Variants in GRIN2A observed in about 807,000 individuals in gnomAD.
The protein encoded by GRIN2A is glutamate receptor ionotropic, NMDA 2A.
In GRIN2A, 22 loss-of-function variants were observed where a neutral mutation model predicts 113.4. That is an observed-to-expected ratio of 0.19 (90% CI 0.14 to 0.28). The LOEUF (loss-of-function observed/expected upper bound fraction) is 0.28. Among genes scored for constraint, GRIN2A ranks in the 10% least tolerant of loss-of-function variants. The pLI is 1.00. For missense variants in GRIN2A, 1,502 were observed against 1,887.0 expected (o/e 0.80, Z 3.78); for synonymous variants, 827 against 738.4 (o/e 1.12, Z -1.94).
intron 2 of GRIN2A, among the ~76,000 whole-genome samples, chr16:10,052,487 G>A (rs1567264205): frequency 6.6e-6 from 1 of 152,176 alleles, no homozygotes; most frequent in Non-Finnish European, 1.5e-5. Context: ...CCTAGGCCCT[G>A]TCCTTAAGGA....
At chr16:10,136,897 G>A in intron 2 of GRIN2A, among the ~76,000 whole-genome samples, 1 of 152,222 alleles carries the variant, frequency 6.6e-6, no homozygotes, top group East Asian at 1.9e-4. Flanking sequence ...TAAGAGGAAA[G>A]AGAAGTGAGA....
rs140937354 is a variant in GRIN2A at position 9,873,442 on chromosome 16, T to C, written c.1122+17544A>G. Among the ~76,000 whole-genome samples the C allele has an allele frequency of 3.0e-3, 461 of 152,228 alleles. 2 individuals carry two copies. The highest frequency in any genetic ancestry group is 0.01 in the African/African-American group (428 of 41,538). ...GAGACTGGGTGCAGTGGCTCATGCC[T>C]GTAATCCCAGCACTTTGGGAGGCTG... On this transcript the variant is annotated intron_variant, in intron 4 of 12. Transcript: ENST00000330684.
rs917818336 is a variant in GRIN2A, at chr16:9,947,851, C to T, written c.415-9300G>A. 1.7e-4 allele frequency among the ~76,000 whole-genome samples: 26 copies of T among 152,026 alleles called. No individual in the cohort carries two copies. In the South Asian group the frequency reaches 2.3e-3, roughly 13 times the overall value. ...AGAGGTTGTTGTGATTGGGATAATGCATGTATTACTCTGAGCACATACCGA... is the reference window on the plus strand; with the variant it reads ...AGAGGTTGTTGTGATTGGGATAATGTATGTATTACTCTGAGCACATACCGA... On this transcript the variant is annotated intron_variant, in intron 2 of 12. Coordinates refer to ENST00000330684, the MANE Select transcript of GRIN2A (RefSeq NM_001134407.3).
intron 2 of GRIN2A, among the ~76,000 whole-genome samples, chr16:10,124,814 G>C (rs2048900378): frequency 6.6e-6 from 1 of 152,186 alleles, no homozygotes; most frequent in South Asian, 2.1e-4. Context: ...AGTTAAAGTT[G>C]TGGTACAGCT....
intron 2 of GRIN2A, among the ~76,000 whole-genome samples, chr16:9,980,688 G>T (rs935881276): frequency 5.3e-5 from 8 of 152,022 alleles, no homozygotes; most frequent in African/African-American, 1.9e-4. Flanking sequence ...TCCTTTGTAG[G>T]GACATGGATG....
chr16:10,055,579 T>G (rs1438165102), intron 2 of GRIN2A, among the ~76,000 whole-genome samples: 1 of 152,238 alleles, frequency 6.6e-6, no homozygotes, highest in Non-Finnish European at 1.5e-5. Flanking sequence ...TTGTCACATC[T>G]GATGAAGTGA....
chr16:9,856,856 G>GA (rs1423421213), intron 4 of GRIN2A, among the ~76,000 whole-genome samples: 2 of 150,886 alleles, frequency 1.3e-5, no homozygotes, highest in Non-Finnish European at 3.0e-5. Context: ...TTAAGTCTGT[G>GA]AAAAAATGCA....
At chr16:9,798,222 A>G in intron 11 of GRIN2A, 55 bp downstream of exon 11, 4 of 1,437,188 alleles carry the variant, frequency 2.8e-6, no homozygotes, top group Non-Finnish European at 3.9e-6. Flanking sequence ...GAGCAAACAA[A>G]GCGAGTGTGA....
chr16:9,864,784 A>C (rs1039525491), intron 4 of GRIN2A, among the ~76,000 whole-genome samples: 5 of 152,174 alleles, frequency 3.3e-5, no homozygotes, highest in African/African-American at 1.2e-4. Flanking sequence ...GTGAGAGGTG[A>C]AATGTCTGGA....
chr16:9,768,154 G>A (rs1251802116), intron 12 of GRIN2A, among the ~76,000 whole-genome samples: 2 of 152,072 alleles, frequency 1.3e-5, no homozygotes, highest in Non-Finnish European at 2.9e-5. Flanking sequence ...TCCGCTTCCC[G>A]GGTTCACGCC....
At chr16:9,874,084 A>G (rs549924617) in intron 4 of GRIN2A, among the ~76,000 whole-genome samples, 2 of 152,268 alleles carry the variant, frequency 1.3e-5, no homozygotes, top group South Asian at 4.2e-4. Flanking sequence ...GGCATTTCCA[A>G]CGGAGTCTTT....
chr16:10,010,638 G>A (rs531471287), intron 2 of GRIN2A, among the ~76,000 whole-genome samples: 1 of 152,224 alleles, frequency 6.6e-6, no homozygotes, highest in Non-Finnish European at 1.5e-5. Flanking sequence ...CGTTATTATT[G>A]CACTGTGAAT....
rs2044618610 is a variant in GRIN2A at position 9,932,529 on chromosome 16, C to G, written c.1007+5430G>C. ...TAGCTGGGACTACAGGCGTGCACCA[C>G]CACACCCAGCTAAAGTTTGTATTTT... On this transcript the variant is annotated intron_variant, in intron 3 of 12. Coordinates refer to ENST00000330684, the MANE Select transcript of GRIN2A (RefSeq NM_001134407.3). 7.9e-5 allele frequency among the ~76,000 whole-genome samples: 12 copies of G among 151,942 alleles called. No homozygotes were observed. In the South Asian group the frequency reaches 2.5e-3, roughly 32 times the overall value.
At chr16:10,054,771 G>C (rs13335102) in intron 2 of GRIN2A, among the ~76,000 whole-genome samples, 21,164 of 151,944 alleles carry the variant, frequency 0.14, 2,050 homozygotes, top group African/African-American at 0.27. Flanking sequence ...ATTTGGGCCA[G>C]GCGCAGTGGC....
chr16:9,941,479 A>G (rs561281913), intron 2 of GRIN2A, among the ~76,000 whole-genome samples: 1 of 152,364 alleles, frequency 6.6e-6, no homozygotes, highest in African/African-American at 2.4e-5. Flanking sequence ...CATCTGTGAA[A>G]GAGTAGGTGC....
chr16:10,075,885 C>A (rs990428719), intron 2 of GRIN2A, among the ~76,000 whole-genome samples: 3 of 151,950 alleles, frequency 2.0e-5, no homozygotes, highest in Admixed American at 2.0e-4. Flanking sequence ...AAAATAAAAT[C>A]CTACAACTAG....
intron 2 of GRIN2A, among the ~76,000 whole-genome samples, chr16:9,979,300 G>A (rs182662005): frequency 3.9e-5 from 6 of 152,254 alleles, no homozygotes; most frequent in East Asian, 1.9e-4. Context: ...TTCTGAAGAC[G>A]AGATCAGCTC....
At chr16:9,798,962 G>T (rs1194789902) in intron 10 of GRIN2A, among the ~76,000 whole-genome samples, 2 of 152,090 alleles carry the variant, frequency 1.3e-5, no homozygotes, top group African/African-American at 4.8e-5. Flanking sequence ...AAATAATATA[G>T]AAAAGTATTA....
intron 2 of GRIN2A, among the ~76,000 whole-genome samples, chr16:10,121,955 T>A (rs1160271837): frequency 6.6e-6 from 1 of 152,062 alleles, no homozygotes; most frequent in Non-Finnish European, 1.5e-5. Context: ...GAGAGAAGCA[T>A]GGTCTAATTA....
Sources: allele counts gnomAD v4.1 joint callset (sites outside exome capture counted in the v4.1 genomes callset), GRCh38; gene constraint gnomAD v4.1.1; transcripts MANE v1.5; gene names NCBI Gene and HGNC (gene_info 2026-07-23, HGNC 2026-07-21).